The following PCDH15 variants were observed in gnomAD, a reference collection of about 807,000 sequenced individuals.
The protein encoded by PCDH15 is protocadherin related 15, also known as protocadherin-15.
In PCDH15, 129 loss-of-function variants were observed where a neutral mutation model predicts 178.5. The ratio of observed to expected loss-of-function variants is 0.72; its 90% CI spans 0.63 to 0.84. The LOEUF is 0.84. Ranked by LOEUF, PCDH15 falls within the 40% of genes least tolerant of loss-of-function variation. The pLI is 0.00. For synonymous variants in PCDH15, 800 were observed against 732.0 expected (o/e 1.09, Z -1.50); for missense variants, 2,230 against 2,099.9 (o/e 1.06, Z -1.21).
At chr10:54,947,599 A>G (rs1327644109) in intron 2 of PCDH15, among the ~76,000 whole-genome samples, 2 of 151,780 alleles carry the variant, frequency 1.3e-5, no homozygotes, top group African/African-American at 2.4e-5. Context: ...TAATGTCTAT[A>G]TATGTGTGTG....
At chr10:55,073,093 G>A (rs946613956) in intron 2 of PCDH15, among the ~76,000 whole-genome samples, 44 of 152,098 alleles carry the variant, frequency 2.9e-4, no homozygotes, top group Non-Finnish European at 4.3e-4. Flanking sequence ...TTGATGGGAC[G>A]TATCTCAAAA....
At chr10:54,080,190 T>A (rs1223795885) in intron 16 of PCDH15, among the ~76,000 whole-genome samples, 2 of 152,070 alleles carry the variant, frequency 1.3e-5, no homozygotes, top group Admixed American at 1.3e-4. Flanking sequence ...CTTTGGAAAT[T>A]TAGCTGTTTC....
intron 15 of PCDH15, among the ~76,000 whole-genome samples, chr10:54,129,909 A>C (rs962448058): frequency 1.3e-5 from 2 of 152,192 alleles, no homozygotes; most frequent in South Asian, 4.1e-4. Context: ...ATGAGACGGC[A>C]GAGATGATAC....
At chr10:54,877,446 G>T (rs1454850262) in intron 3 of PCDH15, among the ~76,000 whole-genome samples, 2 of 152,064 alleles carry the variant, frequency 1.3e-5, no homozygotes, top group Admixed American at 1.3e-4. Flanking sequence ...TTGGACCATG[G>T]ATATGATGCA....
intron 26 of PCDH15, among the ~76,000 whole-genome samples, chr10:53,867,594 G>A (rs986033087): frequency 3.3e-5 from 5 of 152,054 alleles, no homozygotes; most frequent in African/African-American, 7.2e-5. Flanking sequence ...TTGGTTTACA[G>A]GTTTGTTGAG....
chr10:54,206,702 G>A (rs940402695), intron 10 of PCDH15, among the ~76,000 whole-genome samples: 6 of 36,178 alleles, frequency 1.7e-4, no homozygotes, highest in Admixed American at 9.1e-4. Context: ...GAGGGTGAGA[G>A]GTCAATATTT....
chr10:55,539,641 G>C (rs1841711380), intron 2 of PCDH15, among the ~76,000 whole-genome samples: 1 of 151,952 alleles, frequency 6.6e-6, no homozygotes, highest in Non-Finnish European at 1.5e-5. Flanking sequence ...TATTTTCAAA[G>C]CTCATTTCCA....
intron 8 of PCDH15, among the ~76,000 whole-genome samples, chr10:54,237,858 T>G (rs1247956299): frequency 6.6e-6 from 1 of 152,224 alleles, no homozygotes; most frequent in Middle Eastern, 3.2e-3. Flanking sequence ...AAATACAGTT[T>G]TGAAAGCCAA....
At chr10:55,149,007 A>T (rs1838608635) in intron 2 of PCDH15, among the ~76,000 whole-genome samples, 1 of 151,478 alleles carries the variant, frequency 6.6e-6, no homozygotes, top group African/African-American at 2.4e-5. Context: ...ACATCAATGT[A>T]ATCTTTATTA....
chr10:54,897,193 C>T (rs1257908444), intron 3 of PCDH15, among the ~76,000 whole-genome samples: 2 of 152,168 alleles, frequency 1.3e-5, no homozygotes, highest in Non-Finnish European at 1.5e-5. Flanking sequence ...GCAAAACAAA[C>T]ATTTGCATTC....
At chr10:54,166,857 T>C (rs1258448593) in intron 13 of PCDH15, among the ~76,000 whole-genome samples, 2 of 152,178 alleles carry the variant, frequency 1.3e-5, no homozygotes, top group African/African-American at 4.8e-5. Context: ...AGTGATGACA[T>C]TACCTTGTGA....
chr10:54,833,512 A>G (rs10763149), intron 3 of PCDH15, among the ~76,000 whole-genome samples: 15,557 of 152,116 alleles, frequency 0.1, 1,019 homozygotes, highest in African/African-American at 0.19. Flanking sequence ...CAACAATGAA[A>G]CCTTTCCTGA....
intron 2 of PCDH15, among the ~76,000 whole-genome samples, chr10:55,403,670 A>T (rs1352656574): frequency 6.6e-6 from 1 of 151,692 alleles, no homozygotes; most frequent in African/African-American, 2.4e-5. Context: ...TAGGTTCTCT[A>T]TTGGTCTAGG....
At position 53,867,595 on chromosome 10, in the gene PCDH15, G is replaced by C. The variant is rs898790883; in HGVS notation, c.3502-738C>G. ...ATGAATCAAGACTTTTGGTTTACAG[G>C]TTTGTTGAGTTCAACTGTGTGTGCT... On this transcript the variant is annotated intron_variant, in intron 26 of 37. Coordinates refer to ENST00000644397, the MANE Select transcript of PCDH15 (RefSeq NM_001384140.1). Among the ~76,000 whole-genome samples, 3 of 152,184 alleles carry C rather than the reference G, an allele frequency of 2.0e-5. No individual in the cohort carries two copies. The South Asian group carries it at 6.2e-4, about 32-fold the overall frequency.
intron 1 of PCDH15, among the ~76,000 whole-genome samples, chr10:54,758,017 T>G (rs1304244171): frequency 1.8e-4 from 28 of 152,112 alleles, no homozygotes; most frequent in Admixed American, 1.8e-3. Context: ...AAAGGACCAC[T>G]GACAAATACT....
chr10:55,053,204 C>T (rs1564751105), intron 2 of PCDH15, among the ~76,000 whole-genome samples: 1 of 152,126 alleles, frequency 6.6e-6, no homozygotes, highest in African/African-American at 2.4e-5. Flanking sequence ...TCACATTTGA[C>T]TGTCAGCCTA....
intron 2 of PCDH15, among the ~76,000 whole-genome samples, chr10:55,382,056 T>C (rs1022825713): frequency 2.6e-5 from 4 of 152,144 alleles, no homozygotes; most frequent in African/African-American, 4.8e-5. Flanking sequence ...CTCAGCAATA[T>C]AGATATGAAA....
chr10:54,375,727 A>G (rs17728099), intron 4 of PCDH15, among the ~76,000 whole-genome samples: 20,321 of 146,814 alleles, frequency 0.14, 1,719 homozygotes, highest in Middle Eastern at 0.22. Flanking sequence ...TGTTAGTAGG[A>G]TCAAACTCAA....
intron 2 of PCDH15, among the ~76,000 whole-genome samples, chr10:54,987,899 G>A (rs1419416098): frequency 6.6e-6 from 1 of 151,964 alleles, no homozygotes; most frequent in Non-Finnish European, 1.5e-5. Context: ...GCCTTTTGTT[G>A]CAATTGCTTT....
Sources: allele counts gnomAD v4.1 joint callset (sites outside exome capture counted in the v4.1 genomes callset), GRCh38; gene constraint gnomAD v4.1.1; transcripts MANE v1.5; gene names NCBI Gene and HGNC (gene_info 2026-07-23, HGNC 2026-07-21).